The following IL5RA variants were observed in gnomAD, a reference collection of about 807,000 sequenced individuals.
The protein encoded by IL5RA is interleukin-5 receptor subunit alpha.
A neutral mutation model predicts 50.0 loss-of-function variants in IL5RA; 49 were observed. The ratio of observed to expected loss-of-function variants is 0.98; its 90% CI spans 0.78 to 1.24. The LOEUF (loss-of-function observed/expected upper bound fraction) is 1.24, where lower values mean the gene tolerates loss of function less well. Among genes scored for constraint, IL5RA ranks in the 50% most tolerant of loss-of-function variants. The pLI is 0.00. For synonymous variants in IL5RA, 202 were observed against 174.0 expected (o/e 1.16, Z -1.26); for missense variants, 600 against 500.4 (o/e 1.20, Z -1.90).
At chr3:3,081,065 C>A (rs6809323) in intron 9 of IL5RA, among the ~76,000 whole-genome samples, 1 of 152,002 alleles carries the variant, frequency 6.6e-6, no homozygotes, top group Non-Finnish European at 1.5e-5. Context: ...TACAAAAAGG[C>A]ATTAGCCACA....
At chr3:3,090,986 A>G (rs1046540276) in intron 9 of IL5RA, among the ~76,000 whole-genome samples, 1 of 152,128 alleles carries the variant, frequency 6.6e-6, no homozygotes, top group African/African-American at 2.4e-5. Context: ...CATAGCTGCC[A>G]TTGGGTATAT....
chr3:3,071,840 T>C (rs1200549084), intron 11 of IL5RA, among the ~76,000 whole-genome samples: 1 of 152,158 alleles, frequency 6.6e-6, no homozygotes, highest in African/African-American at 2.4e-5. Flanking sequence ...TCTGCCCATT[T>C]TGGCCTCTCA....
chr3:3,076,631 G>T lies in IL5RA; in HGVS notation c.995-4C>A. The stretch of plus-strand genomic sequence containing the variant: ...AAGGGCTTGTGTTCATCATTTCCTG[G>T]TGGAAAACAAAAAAGAAACAAAAAA... On this transcript the variant is annotated splice_polypyrimidine_tract_variant and splice_region_variant and intron_variant, in intron 9 of 11. Coordinates refer to ENST00000446632, the MANE Select transcript of IL5RA (RefSeq NM_175726.4). 1 of 1,580,626 alleles carries T rather than the reference G, an allele frequency of 6.3e-7. No homozygotes were observed. The highest frequency in any genetic ancestry group is 8.6e-7 in the Non-Finnish European group (1 of 1,158,826).
At chr3:3,084,929 A>ACTCC (rs1702796049) in intron 9 of IL5RA, among the ~76,000 whole-genome samples, 1 of 152,274 alleles carries the variant, frequency 6.6e-6, no homozygotes, top group South Asian at 2.1e-4. Flanking sequence ...CATGAGGCAG[A>ACTCC]ATGTATGCCT....
chr3:3,094,796 T>C (rs17884781), intron 8 of IL5RA, among the ~76,000 whole-genome samples: 39,384 of 152,062 alleles, frequency 0.26, 5,964 homozygotes, highest in East Asian at 0.35. Context: ...CATCTCAGCT[T>C]ACTGCAACCT....
intron 10 of IL5RA, among the ~76,000 whole-genome samples, chr3:3,075,087 T>C (rs1440362201): frequency 6.6e-6 from 1 of 152,148 alleles, no homozygotes; most frequent in Non-Finnish European, 1.5e-5. Context: ...TGGAAACTGC[T>C]TTGTGTCAGT....
In IL5RA at chr3:3,084,739, G is replaced by A. The variant is rs558627388; in HGVS notation, c.994+7485C>T. On this transcript the variant is annotated intron_variant, in intron 9 of 11. Transcript: ENST00000446632. ...ATCCTCTAGCTGTGTTCCAAACCCG[G>A]ATGTCCCACCTACTATCTGTGTAGC... Among the ~76,000 whole-genome samples, 5 of 152,366 alleles carry A rather than the reference G, an allele frequency of 3.3e-5. No individual in the cohort carries two copies. In the East Asian group the frequency reaches 9.6e-4, roughly 29 times the overall value.
chr3:3,083,718 T>C (rs17882814), intron 9 of IL5RA, among the ~76,000 whole-genome samples: 2,542 of 152,316 alleles, frequency 0.017, 34 homozygotes, highest in Middle Eastern at 0.048. Flanking sequence ...GCAGAGGATG[T>C]AGTCATCACA....
At chr3:3,107,248 C>T (rs1306361054) in intron 2 of IL5RA, among the ~76,000 whole-genome samples, 1 of 73,540 alleles carries the variant, frequency 1.4e-5, no homozygotes, top group Non-Finnish European at 3.2e-5. Flanking sequence ...AAAAGAATGA[C>T]ATTTTTTTTT....
Position 3,101,685 on chromosome 3 carries a change from G to C in IL5RA, c.367+7C>G, listed in dbSNP as rs781749289. The C allele has an allele frequency of 3.2e-5, 52 of 1,611,618 alleles. No individual in the cohort carries two copies. Among genetic ancestry groups the C allele is most frequent in the Non-Finnish European group, 4.3e-5 (51 of 1,179,446 alleles). ...ATACAAACTGGACTTTTGGAGGCCT[G>C]CTTTACCTGGTGGGGCATGAAGTTC... On this transcript the variant is annotated splice_region_variant and intron_variant, in intron 5 of 11. Coordinates refer to ENST00000446632, the MANE Select transcript of IL5RA (RefSeq NM_175726.4).
intron 9 of IL5RA, among the ~76,000 whole-genome samples, chr3:3,088,045 G>A (rs540997462): frequency 6.6e-6 from 1 of 152,264 alleles, no homozygotes; most frequent in Non-Finnish European, 1.5e-5. Context: ...AAATGAAATG[G>A]GATTTGCTAT....
At chr3:3,080,111 G>T (rs1702616432) in intron 9 of IL5RA, among the ~76,000 whole-genome samples, 1 of 152,032 alleles carries the variant, frequency 6.6e-6, no homozygotes, top group Admixed American at 6.6e-5. Context: ...GTATAAAAAA[G>T]AAAAAAGAAA....
chr3:3,102,937 C>T (rs1055578375), intron 3 of IL5RA, 117 bp from the exon 4 acceptor site: 2 of 734,446 alleles, frequency 2.7e-6, no homozygotes, highest in Non-Finnish European at 2.1e-6. Flanking sequence ...GCCAGCACCA[C>T]AGACACAGTT....
Position 3,070,302 on chromosome 3 carries a change from AC to A in IL5RA, c.1185del (p.Ser396ProfsTer12). 1 of 1,610,890 alleles carries A rather than the reference AC, an allele frequency of 6.2e-7. No individual in the cohort carries two copies. The highest frequency in any genetic ancestry group is 8.5e-7 in the Non-Finnish European group (1 of 1,177,796). On this transcript the variant is annotated frameshift_variant, in exon 12 of 12. Transcript: ENST00000446632. LOFTEE classifies it high-confidence loss of function. ...ATGACTTCAATTTCCGTCTCACTGG[AC>A]CCAGCTTTCTGCAAAACAAATCATC... ...LFVTTNYEKA[G>X]SSETEIEVIC...
At chr3:3,096,511 C>T (rs1232353275) in intron 7 of IL5RA, among the ~76,000 whole-genome samples, 1 of 151,960 alleles carries the variant, frequency 6.6e-6, no homozygotes, top group Non-Finnish European at 1.5e-5. Context: ...GCCTCCTATA[C>T]CCTATGAAGA....
At chr3:3,070,451 G>A in intron 11 of IL5RA, 140 bp from the exon 12 acceptor site, 1 of 604,640 alleles carries the variant, frequency 1.7e-6, no homozygotes, top group African/African-American at 1.9e-5. Context: ...AAATAAAGTG[G>A]GAAGAAGAAG....
chr3:3,104,058 A>G (rs1397226858), intron 3 of IL5RA, among the ~76,000 whole-genome samples: 1 of 152,162 alleles, frequency 6.6e-6, no homozygotes, highest in Non-Finnish European at 1.5e-5. Flanking sequence ...TTAATTTTTG[A>G]GACAGAGTCT....
chr3:3,082,882 A>G (rs1161772922), intron 9 of IL5RA, among the ~76,000 whole-genome samples: 1 of 152,290 alleles, frequency 6.6e-6, no homozygotes, highest in African/African-American at 2.4e-5. Context: ...GTAAGTATGA[A>G]CTTTCAGTGC....
chr3:3,106,233 C>T (rs1295549863), intron 2 of IL5RA, among the ~76,000 whole-genome samples: 1 of 152,180 alleles, frequency 6.6e-6, no homozygotes, highest in South Asian at 2.1e-4. Context: ...TCATTTAAAA[C>T]ATTTATTTAA....
Sources: allele counts gnomAD v4.1 joint callset (sites outside exome capture counted in the v4.1 genomes callset), GRCh38; gene constraint gnomAD v4.1.1; transcripts MANE v1.5; gene names NCBI Gene and HGNC (gene_info 2026-07-23, HGNC 2026-07-21).